TAFA2: variants seen among roughly 807,000 people sequenced by gnomAD.
TAFA2 encodes the protein TAFA chemokine like family member 2.
Under a neutral mutation model 18.8 loss-of-function variants are expected in TAFA2, and 7 were observed. The ratio of observed to expected loss-of-function variants is 0.37; its 90% confidence interval spans 0.21 to 0.70. TAFA2 has a LOEUF of 0.70. TAFA2 is among the 30% of genes least tolerant of loss of function. TAFA2 has a pLI of 0.53. For missense variants in TAFA2, 122 were observed against 158.1 expected, an observed-to-expected ratio of 0.77 and a Z score of 1.23; for synonymous variants, 60 against 54.2, an observed-to-expected ratio of 1.11 and a Z score of -0.47.
chr12:61,873,167 T>C (rs1453903376), intron 1 of TAFA2, among the ~76,000 whole-genome samples: 1 of 152,074 alleles, frequency 6.6e-6, no homozygotes, highest in Non-Finnish European at 1.5e-5. Context: ...TATTAACAAC[T>C]AGAAATGGAG....
At chr12:62,036,007 T>C (rs1211444506) in intron 1 of TAFA2, among the ~76,000 whole-genome samples, 6 of 152,036 alleles carry the variant, frequency 3.9e-5, no homozygotes, top group Non-Finnish European at 8.8e-5. Context: ...CCCAAAGTGC[T>C]GGGATTACAG....
At chr12:61,803,050 CTG>C (rs1391652785) in intron 2 of TAFA2, among the ~76,000 whole-genome samples, 1 of 151,940 alleles carries the variant, frequency 6.6e-6, no homozygotes, top group Non-Finnish European at 1.5e-5. Flanking sequence ...TGGGAAAAAA[CTG>C]TTCTGTTTTT....
At chr12:61,907,883 A>T (rs1168756870) in intron 1 of TAFA2, among the ~76,000 whole-genome samples, 1 of 152,152 alleles carries the variant, frequency 6.6e-6, no homozygotes, top group Non-Finnish European at 1.5e-5. Flanking sequence ...AGTTTTAATG[A>T]CTGCCCTATT....
At chr12:61,902,952 C>G (rs775345262) in intron 1 of TAFA2, among the ~76,000 whole-genome samples, 2 of 152,112 alleles carry the variant, frequency 1.3e-5, no homozygotes, top group Non-Finnish European at 2.9e-5. Flanking sequence ...CATTTTCAAC[C>G]TGTCATCCCA....
chr12:61,970,237 G>C (rs1027640638), intron 1 of TAFA2, among the ~76,000 whole-genome samples: 23 of 151,598 alleles, frequency 1.5e-4, no homozygotes, highest in African/African-American at 5.6e-4. Context: ...GAGATTACTG[G>C]TAGATATCAT....
At chr12:62,058,622 C>T (rs1158255903) in intron 1 of TAFA2, among the ~76,000 whole-genome samples, 1 of 120,424 alleles carries the variant, frequency 8.3e-6, no homozygotes, top group Non-Finnish European at 2.0e-5. Flanking sequence ...TTCTCACCTC[C>T]CCCCTTTTTT....
chr12:61,896,641 A>C (rs552845950), intron 1 of TAFA2, among the ~76,000 whole-genome samples: 2 of 152,328 alleles, frequency 1.3e-5, no homozygotes, highest in East Asian at 1.9e-4. Flanking sequence ...TGTACCTTAC[A>C]TGTGAGCCTT....
chr12:61,821,704 T>C (rs1282870171), intron 2 of TAFA2, among the ~76,000 whole-genome samples: 1 of 152,126 alleles, frequency 6.6e-6, no homozygotes, highest in African/African-American at 2.4e-5. Flanking sequence ...ACATTAATTG[T>C]AACAATGTAT....
intron 2 of TAFA2, among the ~76,000 whole-genome samples, chr12:61,818,643 C>G (rs1872193948): frequency 6.6e-6 from 1 of 152,102 alleles, no homozygotes; most frequent in African/African-American, 2.4e-5. Context: ...TGCAGCATCA[C>G]TCTTCCTTAC....
chr12:62,101,842 T>C (rs534725261), intron 1 of TAFA2, among the ~76,000 whole-genome samples: 6 of 152,242 alleles, frequency 3.9e-5, no homozygotes, highest in South Asian at 4.1e-4. Flanking sequence ...TGAAAAGGAA[T>C]AGTCCCTGTC....
intron 1 of TAFA2, chr12:61,880,492 C>T (rs1875076387): frequency 3.8e-6 from 2 of 532,374 alleles, no homozygotes; most frequent in Non-Finnish European, 7.6e-6. Context: ...AGACTGCCAC[C>T]TACAAGAAGC....
At chr12:62,133,835 T>C (rs1870785771) in intron 1 of TAFA2, among the ~76,000 whole-genome samples, 1 of 152,088 alleles carries the variant, frequency 6.6e-6, no homozygotes, top group Non-Finnish European at 1.5e-5. Context: ...ATTGAGCATA[T>C]AGGCTTGGGC....
At chr12:61,935,510 C>T (rs905280440) in intron 1 of TAFA2, among the ~76,000 whole-genome samples, 1 of 152,174 alleles carries the variant, frequency 6.6e-6, no homozygotes, top group African/African-American at 2.4e-5. Context: ...ATACCATCAA[C>T]TCTAATTCTT....
chr12:61,798,423 A>C (rs1871276827), intron 2 of TAFA2, among the ~76,000 whole-genome samples: 1 of 152,162 alleles, frequency 6.6e-6, no homozygotes, highest in African/African-American at 2.4e-5. Context: ...CATAAAATTT[A>C]CCATTTTTAG....
intron 1 of TAFA2, among the ~76,000 whole-genome samples, chr12:62,154,915 T>A (rs942400995): frequency 6.6e-6 from 1 of 152,080 alleles, no homozygotes; most frequent in Non-Finnish European, 1.5e-5. Context: ...TCAGCACTCC[T>A]CTTCAACATA....
intron 1 of TAFA2, among the ~76,000 whole-genome samples, chr12:62,237,914 T>A (rs969397035): frequency 6.6e-6 from 1 of 152,212 alleles, no homozygotes; most frequent in Non-Finnish European, 1.5e-5. Flanking sequence ...GCATCCTACA[T>A]CTTGGTGTTG....
intron 2 of TAFA2, among the ~76,000 whole-genome samples, chr12:61,768,510 ACCAAAGTGT>A (rs1869885091): frequency 6.6e-6 from 1 of 152,168 alleles, no homozygotes; most frequent in Admixed American, 6.5e-5. Flanking sequence ...ACTGTGAGTA[ACCAAAGTGT>A]GAGGGGGAAG....
chr12:62,145,937 C>T (rs901414773), intron 1 of TAFA2, among the ~76,000 whole-genome samples: 2 of 152,224 alleles, frequency 1.3e-5, no homozygotes, highest in Admixed American at 1.3e-4. Context: ...GCAGCTTAAG[C>T]ACAACTATTC....
chr12:62,090,017 A>G (rs1453314711), intron 1 of TAFA2, among the ~76,000 whole-genome samples: 4 of 152,062 alleles, frequency 2.6e-5, no homozygotes, highest in African/African-American at 9.7e-5. Flanking sequence ...GTGCTACCCA[A>G]ATATTATCAA....
Sources: gnomAD v4.1 joint callset for allele counts (sites outside exome capture counted in the v4.1 genomes callset) on GRCh38, gnomAD v4.1.1 for gene constraint, MANE v1.5 for transcripts, NCBI Gene and HGNC (gene_info 2026-07-23, HGNC 2026-07-21) for gene names.